RAPGEF5: variants seen among roughly 807,000 people sequenced by gnomAD.
RAPGEF5 encodes Rap guanine nucleotide exchange factor 5.
RAPGEF5 carries 65 observed loss-of-function variants against 125.2 expected under a neutral mutation model. The observed-to-expected ratio is 0.52, with a 90% CI of 0.43 to 0.64. The LOEUF is 0.64. Among genes scored for constraint, RAPGEF5 ranks in the 30% least tolerant of loss-of-function variants. RAPGEF5 has a pLI of 0.00. For missense variants in RAPGEF5, 958 were observed against 1,048.1 expected (o/e 0.91, Z 1.19); for synonymous variants, 391 against 385.9 (o/e 1.01, Z -0.16).
At chr7:22,138,143 T>C (rs1010845722) in intron 21 of RAPGEF5, among the ~76,000 whole-genome samples, 1 of 152,112 alleles carries the variant, frequency 6.6e-6, no homozygotes, top group African/African-American at 2.4e-5. Context: ...CTGCCTACCT[T>C]AGTCTGTGGG....
chr7:22,321,606 C>T (rs1182143973), intron 1 of RAPGEF5, among the ~76,000 whole-genome samples: 1 of 152,176 alleles, frequency 6.6e-6, no homozygotes, highest in Non-Finnish European at 1.5e-5. Context: ...TGCCCTTTTA[C>T]TAACATGAAC....
At chr7:22,292,817 G>A (rs1782964198) in intron 5 of RAPGEF5, among the ~76,000 whole-genome samples, 1 of 152,206 alleles carries the variant, frequency 6.6e-6, no homozygotes, top group Non-Finnish European at 1.5e-5. Flanking sequence ...GACCCCAACA[G>A]ACACCCGAAG....
intron 15 of RAPGEF5, among the ~76,000 whole-genome samples, chr7:22,157,492 T>C (rs149673773): frequency 1.2e-4 from 18 of 152,368 alleles, no homozygotes; most frequent in African/African-American, 3.8e-4. Flanking sequence ...AAATATTTTC[T>C]TTACAAGACT....
At chr7:22,157,458 C>T (rs1783845524) in intron 15 of RAPGEF5, among the ~76,000 whole-genome samples, 1 of 152,238 alleles carries the variant, frequency 6.6e-6, no homozygotes, top group African/African-American at 2.4e-5. Flanking sequence ...TTGCTACCTT[C>T]TCTTTCGGTT....
In RAPGEF5 at chr7:22,157,849, G is replaced by T; in HGVS notation, c.1557+6C>A. ...CCTAATTTTAGGTATAGAAGCATCT[G>T]CTTACCTTTTTTTGTGGTGAATATT... On this transcript the variant is annotated splice_donor_region_variant and intron_variant, in intron 15 of 25. Transcript: ENST00000665637. 1 of 1,611,236 alleles carries T rather than the reference G, an allele frequency of 6.2e-7. No homozygotes were observed. The highest frequency in any genetic ancestry group is 8.5e-7 in the Non-Finnish European group (1 of 1,177,482).
intron 5 of RAPGEF5, among the ~76,000 whole-genome samples, chr7:22,299,950 C>A (rs747099286): frequency 1.3e-5 from 2 of 152,172 alleles, no homozygotes; most frequent in African/African-American, 2.4e-5. Flanking sequence ...TTTTAAGTAT[C>A]TAGGAGTGTG....
chr7:22,160,472 T>TA, intron 14 of RAPGEF5, 46 bp downstream of exon 14: 8 of 1,509,580 alleles, frequency 5.3e-6, no homozygotes, highest in Non-Finnish European at 7.1e-6. Context: ...TCATATTTGC[T>TA]GCTGTTTTCT....
chr7:22,139,968 T>C lies in RAPGEF5; in HGVS notation c.2277+57A>G, dbSNP rs898980326. The C allele has an allele frequency of 1.2e-5, 17 of 1,408,622 alleles. No individual in the cohort carries two copies. In the Admixed American group the frequency reaches 2.4e-4, roughly 20 times the overall value. 87.3% of individuals were successfully genotyped at this position (1,408,622 alleles called of 1,614,324 possible). On this transcript the variant is annotated intron_variant, in intron 21 of 25. Coordinates refer to ENST00000665637, the MANE Select transcript of RAPGEF5 (RefSeq NM_012294.5). ...AGTAGTACTTATCTCATTTAATCCA[T>C]GTAAATTACTTTATTTCCATTTTAT...
chr7:22,226,076 T>C (rs1476690), intron 8 of RAPGEF5, among the ~76,000 whole-genome samples: 77,662 of 152,020 alleles, frequency 0.51, 20,185 homozygotes, highest in East Asian at 0.7. Context: ...TATTAAAACA[T>C]TCTCTGCATT....
chr7:22,267,091 A>C (rs779179356), intron 6 of RAPGEF5, 79 bp from the exon 7 acceptor site: 1 of 1,336,394 alleles, frequency 7.5e-7, no homozygotes, highest in Non-Finnish European at 1.0e-6. Context: ...GTTCTTAGAT[A>C]TCCAACCCAA....
At chr7:22,300,976 A>G (rs1562517256) in intron 5 of RAPGEF5, among the ~76,000 whole-genome samples, 1 of 152,212 alleles carries the variant, frequency 6.6e-6, no homozygotes, top group Non-Finnish European at 1.5e-5. Context: ...CCCTGTCTAC[A>G]TCTGAGGCCT....
intron 5 of RAPGEF5, among the ~76,000 whole-genome samples, chr7:22,295,964 T>C (rs1400812969): frequency 6.6e-6 from 1 of 152,076 alleles, no homozygotes; most frequent in Non-Finnish European, 1.5e-5. Context: ...GGATGTCTCA[T>C]GTTGCTAATA....
At chr7:22,149,786 C>T (rs1376845757) in intron 18 of RAPGEF5, among the ~76,000 whole-genome samples, 4 of 152,122 alleles carry the variant, frequency 2.6e-5, no homozygotes, top group Non-Finnish European at 5.9e-5. Flanking sequence ...TCAGCCTCAT[C>T]TTCATATACT....
chr7:22,216,978 C>CCT (rs1372924504), intron 9 of RAPGEF5, among the ~76,000 whole-genome samples: 1 of 152,190 alleles, frequency 6.6e-6, no homozygotes, highest in Admixed American at 6.5e-5. Context: ...GCAACAAAGG[C>CCT]TTTATTCTAT....
chr7:22,222,941 T>C (rs1785827842), intron 8 of RAPGEF5, among the ~76,000 whole-genome samples: 1 of 150,782 alleles, frequency 6.6e-6, no homozygotes. Context: ...CTCCAAAATA[T>C]TTGGTTTGAG....
intron 7 of RAPGEF5, among the ~76,000 whole-genome samples, chr7:22,249,361 AT>A (rs1226302042): frequency 1.3e-5 from 2 of 151,320 alleles, no homozygotes; most frequent in African/African-American, 4.9e-5. Context: ...TAATTTTTGT[AT>A]TTTTTTTGGT....
At chr7:22,154,697 A>G in intron 16 of RAPGEF5, 93 bp from the exon 17 acceptor site, 61 of 1,407,868 alleles carry the variant, frequency 4.3e-5, no homozygotes, top group Middle Eastern at 2.5e-4. Context: ...AACTTTTCTA[A>G]ATCAACCCAC....
chr7:22,128,489 GTTCTATTGGTTCA>G (rs2128098749), intron 24 of RAPGEF5, among the ~76,000 whole-genome samples: 1 of 152,256 alleles, frequency 6.6e-6, no homozygotes, highest in South Asian at 2.1e-4. Flanking sequence ...ATTCACTTAG[GTTCTATTGGTTCA>G]TTATCGTGAA....
At chr7:22,302,140 G>A (rs114777767) in intron 5 of RAPGEF5, among the ~76,000 whole-genome samples, 13 of 152,188 alleles carry the variant, frequency 8.5e-5, no homozygotes, top group Non-Finnish European at 1.8e-4. Flanking sequence ...AACATTAAGA[G>A]AAGCAAATTC....
Sources: gnomAD v4.1 joint callset for allele counts (sites outside exome capture counted in the v4.1 genomes callset) on GRCh38, gnomAD v4.1.1 for gene constraint, MANE v1.5 for transcripts, NCBI Gene and HGNC (gene_info 2026-07-23, HGNC 2026-07-21) for gene names.